The following FRYL variants were observed in gnomAD, a reference collection of about 807,000 sequenced individuals.
FRYL encodes protein furry homolog-like.
A neutral mutation model predicts 351.2 loss-of-function variants in FRYL; 150 were observed. The ratio of observed to expected loss-of-function variants is 0.43; its 90% CI spans 0.37 to 0.49. The LOEUF (loss-of-function observed/expected upper bound fraction) is 0.49. FRYL is among the 20% of genes least tolerant of loss of function. The pLI, the probability that FRYL is intolerant of heterozygous loss-of-function variation, is 0.00. For missense variants in FRYL, 3,036 were observed against 3,619.3 expected, an observed-to-expected ratio of 0.84 and a Z score of 4.13; for synonymous variants, 1,153 against 1,257.1, an observed-to-expected ratio of 0.92 and a Z score of 1.75.
At position 48,719,941 on chromosome 4, in the gene FRYL, G is replaced by A. The variant is rs182434431; in HGVS notation, c.-383-9243C>T. ...CTGAGGTGAGTGGATCACGAGGTCC[G>A]GAGATCGAGACCATCCTGGCCAACA... On this transcript the variant is annotated intron_variant, in intron 1 of 63. Coordinates refer to ENST00000358350, the MANE Select transcript of FRYL (RefSeq NM_015030.2). 9.0e-4 allele frequency among the ~76,000 whole-genome samples: 136 copies of A among 151,124 alleles called. 5 individuals are homozygous for A. The highest frequency in any genetic ancestry group is 3.0e-3 in the African/African-American group (122 of 41,270).
chr4:48,518,269 C>A (rs566579637), intron 55 of FRYL, among the ~76,000 whole-genome samples: 9 of 152,170 alleles, frequency 5.9e-5, no homozygotes, highest in African/African-American at 2.2e-4. Flanking sequence ...TACTTAAAAT[C>A]CATCTCTAAA....
chr4:48,552,716 A>C (rs1227385423), intron 36 of FRYL, among the ~76,000 whole-genome samples: 1 of 152,198 alleles, frequency 6.6e-6, no homozygotes, highest in Non-Finnish European at 1.5e-5. Flanking sequence ...TCTCCTGGAA[A>C]ATAAAACAAA....
rs1766747070 is a variant in FRYL, at chr4:48,701,792, A to AT, written c.-204+8726dup. Among the ~76,000 whole-genome samples, 10 of 152,272 alleles carry AT rather than the reference A, an allele frequency of 6.6e-5. No individual in the cohort carries two copies. The South Asian group carries it at 1.9e-3, about 28-fold the overall frequency. ...GGTGCATTCAAATACCTACACATTC[A>AT]TTATTTTATTGACCATTTTCTGCTA... On this transcript the variant is annotated intron_variant, in intron 2 of 63. Coordinates refer to ENST00000358350, the MANE Select transcript of FRYL (RefSeq NM_015030.2).
chr4:48,720,545 T>C (rs181154796), intron 1 of FRYL, among the ~76,000 whole-genome samples: 14 of 151,984 alleles, frequency 9.2e-5, no homozygotes, highest in African/African-American at 2.2e-4. Context: ...AAAAAAGGTG[T>C]ACATTAAATA....
At chr4:48,591,653 T>G (rs1212086462) in intron 16 of FRYL, among the ~76,000 whole-genome samples, 1 of 152,170 alleles carries the variant, frequency 6.6e-6, no homozygotes. Flanking sequence ...GACCTGGGTA[T>G]TAAATGTTAG....
intron 2 of FRYL, among the ~76,000 whole-genome samples, chr4:48,692,564 T>G (rs1765771098): frequency 6.6e-6 from 1 of 152,188 alleles, no homozygotes; most frequent in African/African-American, 2.4e-5. Context: ...GACTAATTTT[T>G]GTATTTTTAG....
At position 48,721,148 on chromosome 4, in the gene FRYL, C is replaced by T. The variant is rs185899535; in HGVS notation, c.-383-10450G>A. ...TCCATTTTGTTTTCATTATAGAACTCATCACTATCTAACATATGCTTGGTT... is the reference window on the plus strand; with the variant it reads ...TCCATTTTGTTTTCATTATAGAACTTATCACTATCTAACATATGCTTGGTT... On this transcript the variant is annotated intron_variant, in intron 1 of 63. Coordinates refer to ENST00000358350, the MANE Select transcript of FRYL (RefSeq NM_015030.2). Among the ~76,000 whole-genome samples, 4 of 152,268 alleles carry T rather than the reference C, an allele frequency of 2.6e-5. No homozygotes were observed. In the East Asian group the frequency reaches 7.7e-4, roughly 29 times the overall value.
intron 7 of FRYL, among the ~76,000 whole-genome samples, chr4:48,616,035 AG>A (rs1749353238): frequency 6.6e-6 from 1 of 151,838 alleles, no homozygotes; most frequent in Non-Finnish European, 1.5e-5. Flanking sequence ...GGACACAGGG[AG>A]GGGAAGGAAC....
chr4:48,624,234 G>A (rs1751314111), intron 4 of FRYL, among the ~76,000 whole-genome samples: 2 of 152,022 alleles, frequency 1.3e-5, no homozygotes, highest in South Asian at 4.1e-4. Flanking sequence ...TCACATACCA[G>A]AATATTTTTT....
chr4:48,703,021 A>G (rs1446705150), intron 2 of FRYL, among the ~76,000 whole-genome samples: 1 of 152,106 alleles, frequency 6.6e-6, no homozygotes, highest in African/African-American at 2.4e-5. Context: ...AGAGGCAGAA[A>G]AGTACCCATC....
chr4:48,754,160 A>G (rs1187802867), intron 1 of FRYL, among the ~76,000 whole-genome samples: 3 of 152,182 alleles, frequency 2.0e-5, no homozygotes, highest in Admixed American at 2.0e-4. Context: ...AGGAAACCCC[A>G]TACACATACT....
intron 3 of FRYL, among the ~76,000 whole-genome samples, chr4:48,682,658 T>C (rs1323846797): frequency 2.6e-5 from 4 of 151,638 alleles, no homozygotes; most frequent in Non-Finnish European, 4.4e-5. Flanking sequence ...CCAACAAACA[T>C]ACGAAAAAAA....
At chr4:48,654,000 A>ACTATC in intron 3 of FRYL, 1 of 1,007,856 alleles carries the variant, frequency 9.9e-7, no homozygotes, top group East Asian at 6.6e-5. Context: ...ATGCAGATGA[A>ACTATC]CTATCCAGTT....
intron 13 of FRYL, among the ~76,000 whole-genome samples, chr4:48,599,302 T>TA (rs1240210601): frequency 6.6e-6 from 1 of 152,188 alleles, no homozygotes; most frequent in Non-Finnish European, 1.5e-5. Flanking sequence ...CCTAAATTGA[T>TA]ATAGATATAG....
At chr4:48,594,549 T>C (rs1056228134) in intron 15 of FRYL, among the ~76,000 whole-genome samples, 5 of 152,218 alleles carry the variant, frequency 3.3e-5, no homozygotes, top group Non-Finnish European at 7.3e-5. Context: ...GTCACAAGTT[T>C]TTTGAACACT....
chr4:48,765,397 G>C (rs1023646989), intron 1 of FRYL, among the ~76,000 whole-genome samples: 2 of 152,198 alleles, frequency 1.3e-5, no homozygotes, highest in Admixed American at 1.3e-4. Flanking sequence ...AATGTACAAG[G>C]GGGAAAGGAC....
chr4:48,658,254 T>A (rs1046648198), intron 3 of FRYL, among the ~76,000 whole-genome samples: 8 of 152,168 alleles, frequency 5.3e-5, no homozygotes, highest in Non-Finnish European at 7.3e-5. Context: ...TTATTCCTCA[T>A]ATTGACAGTT....
In FRYL at chr4:48,734,564, A is replaced by C. The variant is rs911350178; in HGVS notation, c.-383-23866T>G. Among the ~76,000 whole-genome samples the C allele has an allele frequency of 5.6e-4, 86 of 152,216 alleles. 1 individual carries two copies. Among genetic ancestry groups the C allele is most frequent in the Non-Finnish European group, 1.1e-3 (73 of 68,030 alleles). On this transcript the variant is annotated intron_variant, in intron 1 of 63. Coordinates refer to ENST00000358350, the MANE Select transcript of FRYL (RefSeq NM_015030.2). ...ACCATTAACCAAATGAATATAACTA[A>C]CATCTATAGACTAATTCAACAACAG...
At chr4:48,677,690 C>G (rs1205185223) in intron 3 of FRYL, among the ~76,000 whole-genome samples, 1 of 152,046 alleles carries the variant, frequency 6.6e-6, no homozygotes, top group Non-Finnish European at 1.5e-5. Flanking sequence ...GGATTACAAG[C>G]GTGAGCCACC....
Sources: allele counts gnomAD v4.1 joint callset (sites outside exome capture counted in the v4.1 genomes callset), GRCh38; gene constraint gnomAD v4.1.1; transcripts MANE v1.5; gene names NCBI Gene and HGNC (gene_info 2026-07-23, HGNC 2026-07-21).